JAK2: variants seen among roughly 807,000 people sequenced by gnomAD.
JAK2 encodes the protein tyrosine-protein kinase JAK2.
In JAK2, 86 loss-of-function variants were observed where a neutral mutation model predicts 139.3. That is an observed-to-expected ratio of 0.62 (90% CI 0.52 to 0.74). The LOEUF (loss-of-function observed/expected upper bound fraction) is 0.74. JAK2 is among the 30% of genes least tolerant of loss of function. The pLI is 0.00. For synonymous variants in JAK2, 490 were observed against 437.7 expected (o/e 1.12, Z -1.49); for missense variants, 1,421 against 1,360.3 (o/e 1.04, Z -0.70).
At chr9:5,018,789 C>A (rs991520582) in intron 2 of JAK2, among the ~76,000 whole-genome samples, 1 of 152,194 alleles carries the variant, frequency 6.6e-6, no homozygotes, top group Non-Finnish European at 1.5e-5. Context: ...GGTATAGTAT[C>A]CTTGACTTGC....
At chr9:5,037,491 A>G (rs889084975) in intron 4 of JAK2, among the ~76,000 whole-genome samples, 1 of 152,230 alleles carries the variant, frequency 6.6e-6, no homozygotes, top group African/African-American at 2.4e-5. Context: ...GATTAAGAAA[A>G]TGTGGCACAT....
At chr9:5,114,526 C>A in intron 22 of JAK2, 1 of 467,076 alleles carries the variant, frequency 2.1e-6, no homozygotes, top group Non-Finnish European at 4.2e-6. Flanking sequence ...CTAGAAGAGC[C>A]GAGGAACCAG....
rs544916773 is a variant in JAK2, at chr9:5,036,015, T to C, written c.350+6109T>C. Among the ~76,000 whole-genome samples the C allele has an allele frequency of 3.9e-5, 6 of 152,330 alleles. No individual in the cohort carries two copies. The East Asian group carries it at 1.2e-3, about 29-fold the overall frequency. ...TCAGCCCAAAATCTCCTTAAGCTGA[T>C]AAGCAACTTCAGCAAAGTCTCAGCA... On this transcript the variant is annotated intron_variant, in intron 4 of 24. Coordinates refer to ENST00000381652, the MANE Select transcript of JAK2 (RefSeq NM_004972.4).
At chr9:5,014,271 A>C (rs1437435512) in intron 2 of JAK2, among the ~76,000 whole-genome samples, 6 of 150,374 alleles carry the variant, frequency 4.0e-5, no homozygotes, top group Non-Finnish European at 8.9e-5. Flanking sequence ...CCCAGAGTGC[A>C]GGGATTACAG....
intron 19 of JAK2, among the ~76,000 whole-genome samples, chr9:5,082,131 G>T (rs1563985633): frequency 6.6e-6 from 1 of 152,108 alleles, no homozygotes; most frequent in African/African-American, 2.4e-5. Flanking sequence ...AAAGTATAGA[G>T]AAAGAAAAGT....
chr9:5,087,035 GA>G (rs1203125520), intron 19 of JAK2, among the ~76,000 whole-genome samples: 1 of 151,886 alleles, frequency 6.6e-6, no homozygotes, highest in Non-Finnish European at 1.5e-5. Context: ...AACACTAAAA[GA>G]AAAAAATCAG....
chr9:5,097,634 C>T (rs532376799), intron 22 of JAK2: 1 of 147,980 alleles, frequency 6.8e-6, no homozygotes, highest in South Asian at 2.1e-4. Flanking sequence ...AGCTGATTAG[C>T]TACACTGCGT....
At chr9:5,073,189 T>C (rs531546894) in intron 13 of JAK2, among the ~76,000 whole-genome samples, 3 of 152,366 alleles carry the variant, frequency 2.0e-5, no homozygotes, top group African/African-American at 4.8e-5. Context: ...TACCACAGTA[T>C]TGGTGATTGT....
At chr9:5,063,299 G>C (rs1818318689) in intron 8 of JAK2, among the ~76,000 whole-genome samples, 1 of 152,068 alleles carries the variant, frequency 6.6e-6, no homozygotes, top group South Asian at 2.1e-4. Flanking sequence ...TAAAGTAGTG[G>C]ACTTCTCAAT....
chr9:5,070,762 G>A (rs1818904262), intron 12 of JAK2, among the ~76,000 whole-genome samples: 1 of 151,902 alleles, frequency 6.6e-6, no homozygotes, highest in Non-Finnish European at 1.5e-5. Flanking sequence ...CCAAACCCAT[G>A]CTGTTCAAGG....
In JAK2 at chr9:5,128,080, TTGTGTG is replaced by T. The variant is rs139964957; in HGVS notation, c.*1325_*1330del. The T allele has an allele frequency of 0.39, 86,634 of 223,968 alleles. 12,893 individuals carry two copies. Among genetic ancestry groups the T allele is most frequent in the South Asian group, 0.45 (2,350 of 5,230 alleles). 13.9% of individuals were successfully genotyped at this position (223,968 alleles called of 1,614,324 possible). ...TAGCTAAAATAAAATATGGTGGGTT[TTGTGTG>T]TGTGTGTGTGTGTGTGTGTGTGTGT... On this transcript the variant is annotated 3_prime_UTR_variant, in exon 25 of 25. Coordinates refer to ENST00000381652, the MANE Select transcript of JAK2 (RefSeq NM_004972.4).
chr9:5,018,825 A>G (rs1343302033), intron 2 of JAK2, among the ~76,000 whole-genome samples: 4 of 152,082 alleles, frequency 2.6e-5, no homozygotes, highest in African/African-American at 9.7e-5. Flanking sequence ...AGCACTTTTC[A>G]TATATCGTTC....
rs139964957 is a variant in JAK2, at chr9:5,128,080, T to TTGTGTG, written c.*1325_*1330dup. The TTGTGTG allele has an allele frequency of 5.6e-3, 1,258 of 224,700 alleles. 11 individuals carry two copies. The highest frequency in any genetic ancestry group is 0.025 in the African/African-American group (1,091 of 43,238). The allele number at this position is 224,700 out of a possible 1,614,324, so 13.9% of individuals were successfully genotyped here. ...TAGCTAAAATAAAATATGGTGGGTT[T>TTGTGTG]TGTGTGTGTGTGTGTGTGTGTGTGT... On this transcript the variant is annotated 3_prime_UTR_variant, in exon 25 of 25. Transcript: ENST00000381652.
At position 5,072,485 on chromosome 9, in the gene JAK2, C is replaced by T; in HGVS notation, c.1642-7C>T. On this transcript the variant is annotated splice_region_variant and splice_polypyrimidine_tract_variant and intron_variant, in intron 12 of 24. Coordinates refer to ENST00000381652, the MANE Select transcript of JAK2 (RefSeq NM_004972.4). ...TCATTCTTTTCTTTTACCTTTTTCT[C>T]TTGAAGAATGAAAGCCTTGGCCAAG... 6.5e-7 allele frequency: 1 copy of T among 1,535,186 alleles called. No individual in the cohort carries two copies. Among genetic ancestry groups the T allele is most frequent in the Non-Finnish European group, 8.8e-7 (1 of 1,138,462 alleles).
intron 8 of JAK2, among the ~76,000 whole-genome samples, chr9:5,060,799 A>G (rs1380407618): frequency 6.6e-6 from 1 of 152,218 alleles, no homozygotes; most frequent in African/African-American, 2.4e-5. Context: ...AATCCTTTCC[A>G]TAAGTTTTTC....
At chr9:5,121,927 C>T (rs984506798) in intron 22 of JAK2, among the ~76,000 whole-genome samples, 2 of 152,136 alleles carry the variant, frequency 1.3e-5, no homozygotes, top group African/African-American at 4.8e-5. Context: ...TCTTCAAGAA[C>T]TTTGCATTCC....
Position 5,089,877 on chromosome 9 carries a change from T to C in JAK2, c.2761+14T>C. 1 of 1,438,248 alleles carries C rather than the reference T, an allele frequency of 7.0e-7. No individual in the cohort carries two copies. The highest frequency in any genetic ancestry group is 9.1e-7 in the Non-Finnish European group (1 of 1,093,842). The allele number at this position is 1,438,248 out of a possible 1,614,324, so 89.1% of individuals were successfully genotyped here. ...GCTACAGTGCTGGTAAGCTGCCCAT[T>C]GAAACCTATTTTAAATTCAAGGTAT... On this transcript the variant is annotated intron_variant, in intron 20 of 24. Transcript: ENST00000381652.
rs1817647235 is a variant in JAK2, at chr9:5,054,788, A to G, written c.840A>G (p.Ser280=). The G allele has an allele frequency of 6.2e-7, 1 of 1,613,108 alleles. No individual in the cohort carries two copies. The highest frequency in any genetic ancestry group is 8.5e-7 in the Non-Finnish European group (1 of 1,179,266). ...TAAAAGAACCTGGAAGTGGTCCTTC[A>G]GGTGAGGAGATTTTTGCAACCATTA... ...FEVKEPGSGP[S]GEEIFATIII... Residue 280 remains serine, a synonymous_variant, in exon 7 of 25, where the codon TCA becomes TCG. Coordinates refer to ENST00000381652, the MANE Select transcript of JAK2 (RefSeq NM_004972.4). The surrounding 1 kb of genome is among the most constrained non-coding windows in gnomAD (Gnocchi z 4.9).
chr9:5,054,842 G>C lies in JAK2; in HGVS notation c.894G>C (p.Trp298Cys), dbSNP rs756343262. The C allele has an allele frequency of 4.3e-6, 7 of 1,610,348 alleles. No individual in the cohort carries two copies. Among genetic ancestry groups the C allele is most frequent in the South Asian group, 1.1e-5 (1 of 90,614 alleles). ...IIITGNGGIQ[W>C]SRGKHKESET... Reference sequence around the variant, plus strand: ...TAACTGGAAACGGTGGAATTCAGTGGTCAAGAGGGAAACATAAAGAAAGTG... The same window carrying C: ...TAACTGGAAACGGTGGAATTCAGTGCTCAAGAGGGAAACATAAAGAAAGTG... Residue 298 changes from tryptophan to cysteine, a missense_variant, in exon 7 of 25, where the codon TGG (tryptophan) becomes TGC (cysteine). Physicochemically the swap from Trp to Cys is radical, Grantham distance 215 (BLOSUM62 -2). Coordinates refer to ENST00000381652, the MANE Select transcript of JAK2 (RefSeq NM_004972.4). This position sits in a 1 kb window ranked among gnomAD's most constrained non-coding sequence, Gnocchi z 4.9.
Sources: allele counts gnomAD v4.1 joint callset (sites outside exome capture counted in the v4.1 genomes callset), GRCh38; gene constraint gnomAD v4.1.1; non-coding constraint Gnocchi (gnomAD v3.1); transcripts MANE v1.5; gene names NCBI Gene and HGNC (gene_info 2026-07-23, HGNC 2026-07-21).